The following LRRC4C variants were observed in gnomAD, a reference collection of about 807,000 sequenced individuals.
LRRC4C encodes leucine rich repeat containing 4C.
In LRRC4C, 5 loss-of-function variants were observed where a neutral mutation model predicts 33.6. The ratio of observed to expected loss-of-function variants is 0.15; its 90% confidence interval spans 0.08 to 0.31. The LOEUF (loss-of-function observed/expected upper bound fraction) is 0.31. Ranked by LOEUF, LRRC4C falls within the 10% of genes least tolerant of loss-of-function variation. The pLI is 1.00. For missense variants in LRRC4C, 560 were observed against 796.7 expected (o/e 0.70, Z 3.58); for synonymous variants, 329 against 302.0 (o/e 1.09, Z -0.93).
At chr11:41,249,365 C>A (rs1031075710) in intron 1 of LRRC4C, among the ~76,000 whole-genome samples, 3 of 152,144 alleles carry the variant, frequency 2.0e-5, no homozygotes, top group African/African-American at 7.2e-5. Flanking sequence ...TGGATTCTTG[C>A]AAGAGACTTC....
intron 1 of LRRC4C, among the ~76,000 whole-genome samples, chr11:41,082,663 G>T (rs1010134566): frequency 6.6e-6 from 1 of 152,092 alleles, no homozygotes; most frequent in Non-Finnish European, 1.5e-5. Context: ...AGCAATTTAC[G>T]CAGGTCTGTT....
chr11:40,459,407 G>T (rs1952285887), intron 3 of LRRC4C, among the ~76,000 whole-genome samples: 1 of 141,434 alleles, frequency 7.1e-6, no homozygotes, highest in Non-Finnish European at 1.6e-5. Context: ...CAGCTTAAGG[G>T]TGCCCATCTC....
In LRRC4C at chr11:40,172,440, C is replaced by T. The variant is rs368629684; in HGVS notation, c.-95-31587G>A. 3.7e-4 allele frequency among the ~76,000 whole-genome samples: 57 copies of T among 152,210 alleles called. 1 individual carries two copies. The highest frequency in any genetic ancestry group is 1.2e-3 in the South Asian group (6 of 4,816). On this transcript the variant is annotated intron_variant, in intron 5 of 6. Coordinates refer to ENST00000528697, the MANE Select transcript of LRRC4C (RefSeq NM_001258419.2). ...GTCAATCAGATCACTATCATTCCCT[C>T]GATTAACTCCCTCTAGCATTTCCTA...
intron 1 of LRRC4C, among the ~76,000 whole-genome samples, chr11:41,057,871 C>T (rs1216624018): frequency 1.3e-5 from 2 of 152,096 alleles, no homozygotes; most frequent in South Asian, 2.1e-4. Context: ...ATTGTGTAGC[C>T]GAGAGGAGCT....
In LRRC4C at chr11:40,114,250, T is replaced by C. The variant is rs1425711764; in HGVS notation, c.*120A>G. The stretch of plus-strand genomic sequence containing the variant: ...ATTTTTAATAAATAAATTTCTTTTC[T>C]TTTTTGTTTTTTTGTAAAGACACTT... On this transcript the variant is annotated 3_prime_UTR_variant, in exon 7 of 7. Transcript: ENST00000528697. 1.8e-6 allele frequency: 2 copies of C among 1,129,140 alleles called. No individual in the cohort carries two copies. The highest frequency in any genetic ancestry group is 2.4e-6 in the Non-Finnish European group (2 of 829,128). 69.9% of individuals were successfully genotyped at this position (1,129,140 alleles called of 1,614,324 possible). A position where few individuals can be genotyped will look rare whatever the true frequency, so the allele number is the denominator to read the frequency against.
chr11:40,620,951 C>T (rs143225055), intron 3 of LRRC4C, among the ~76,000 whole-genome samples: 1 of 151,666 alleles, frequency 6.6e-6, no homozygotes, highest in Non-Finnish European at 1.5e-5. Context: ...TTTTCATTTC[C>T]TGTGCTCTAC....
At chr11:40,468,620 C>T (rs1053321952) in intron 3 of LRRC4C, among the ~76,000 whole-genome samples, 3 of 152,026 alleles carry the variant, frequency 2.0e-5, no homozygotes, top group Non-Finnish European at 4.4e-5. Context: ...GTGAGTTTAA[C>T]AAAGAGCTTT....
At chr11:41,343,548 T>C (rs1391416116) in intron 1 of LRRC4C, among the ~76,000 whole-genome samples, 1 of 152,220 alleles carries the variant, frequency 6.6e-6, no homozygotes, top group Non-Finnish European at 1.5e-5. Flanking sequence ...TGGCTTCTTA[T>C]AGATAGGTTA....
chr11:41,206,939 T>A (rs1287964212), intron 1 of LRRC4C, among the ~76,000 whole-genome samples: 1 of 152,212 alleles, frequency 6.6e-6, no homozygotes, highest in Non-Finnish European at 1.5e-5. Flanking sequence ...ATCTTATACC[T>A]ACATTATAAG....
Position 40,274,267 on chromosome 11 carries a change from G to A in LRRC4C, c.-175-32669C>T, listed in dbSNP as rs1027495031. 3.9e-5 allele frequency among the ~76,000 whole-genome samples: 6 copies of A among 152,010 alleles called. No individual in the cohort carries two copies. In the South Asian group the frequency reaches 6.2e-4, roughly 16 times the overall value. ...TTCCGGAGGGGAGGGAAAGATTCCC[G>A]TCAAGCCTCTGGCCACATCCAGGGC... On this transcript the variant is annotated intron_variant, in intron 4 of 6. Coordinates refer to ENST00000528697, the MANE Select transcript of LRRC4C (RefSeq NM_001258419.2).
intron 4 of LRRC4C, among the ~76,000 whole-genome samples, chr11:40,260,838 A>C (rs1386718021): frequency 6.6e-6 from 1 of 152,208 alleles, no homozygotes; most frequent in Non-Finnish European, 1.5e-5. Flanking sequence ...GAAATGCAAA[A>C]TGCATGGCAT....
intron 1 of LRRC4C, among the ~76,000 whole-genome samples, chr11:41,291,008 T>G (rs1428144551): frequency 6.6e-6 from 1 of 152,188 alleles, no homozygotes; most frequent in Non-Finnish European, 1.5e-5. Context: ...TATAAAACTA[T>G]TCTTCGTCAT....
At chr11:41,095,290 A>G (rs1940737151) in intron 1 of LRRC4C, among the ~76,000 whole-genome samples, 1 of 152,094 alleles carries the variant, frequency 6.6e-6, no homozygotes, top group Admixed American at 6.6e-5. Context: ...CATGGGGGAA[A>G]ATCCACCCCC....
At chr11:40,351,199 G>T (rs1320069685) in intron 3 of LRRC4C, among the ~76,000 whole-genome samples, 3 of 151,564 alleles carry the variant, frequency 2.0e-5, no homozygotes, top group African/African-American at 4.8e-5. Context: ...CCATGTGTTT[G>T]TACAGTTTCC....
At chr11:40,321,994 G>T (rs906464988) in intron 3 of LRRC4C, among the ~76,000 whole-genome samples, 1 of 152,164 alleles carries the variant, frequency 6.6e-6, no homozygotes, top group South Asian at 2.1e-4. Context: ...ACAGGTGGTT[G>T]TGAAGAGAAC....
chr11:40,275,714 G>T (rs956826549), intron 4 of LRRC4C, among the ~76,000 whole-genome samples: 6 of 152,112 alleles, frequency 3.9e-5, no homozygotes, highest in African/African-American at 1.4e-4. Context: ...AGTCTATGGG[G>T]TTATCTATTA....
At chr11:40,764,037 C>T (rs1169311076) in intron 2 of LRRC4C, among the ~76,000 whole-genome samples, 2 of 152,120 alleles carry the variant, frequency 1.3e-5, no homozygotes, top group Non-Finnish European at 2.9e-5. Flanking sequence ...GCAGCTTGCA[C>T]TTTGGGGAGA....
intron 5 of LRRC4C, among the ~76,000 whole-genome samples, chr11:40,195,878 T>C (rs1438588780): frequency 6.6e-6 from 1 of 152,152 alleles, no homozygotes; most frequent in Non-Finnish European, 1.5e-5. Flanking sequence ...ATATGAAGTA[T>C]TTATAAGGTG....
chr11:40,144,237 T>C (rs1857564948), intron 5 of LRRC4C, among the ~76,000 whole-genome samples: 1 of 152,202 alleles, frequency 6.6e-6, no homozygotes, highest in Admixed American at 6.5e-5. Context: ...ATGGAAACGA[T>C]AATTATCTGA....
Sources: allele counts gnomAD v4.1 joint callset (sites outside exome capture counted in the v4.1 genomes callset), GRCh38; gene constraint gnomAD v4.1.1; transcripts MANE v1.5; gene names NCBI Gene and HGNC (gene_info 2026-07-23, HGNC 2026-07-21).